ADAMTSL1: variants seen among roughly 807,000 people sequenced by gnomAD.
ADAMTSL1 encodes the protein ADAMTS-like protein 1.
Under a neutral mutation model 201.8 loss-of-function variants are expected in ADAMTSL1, and 126 were observed. That is an observed-to-expected ratio of 0.62 (90% CI 0.54 to 0.72). The LOEUF is 0.72. ADAMTSL1 is among the 30% of genes least tolerant of loss of function. The pLI is 0.00. For synonymous variants in ADAMTSL1, 1,121 were observed against 903.4 expected (o/e 1.24, Z -4.32); for missense variants, 2,679 against 2,277.8 (o/e 1.18, Z -3.59).
intron 1 of ADAMTSL1, among the ~76,000 whole-genome samples, chr9:17,976,935 C>A (rs1818476402): frequency 6.6e-6 from 1 of 151,938 alleles, no homozygotes; most frequent in African/African-American, 2.4e-5. Flanking sequence ...AAAAGCTTTT[C>A]ACTGTTGAGT....
At chr9:18,524,158 A>T (rs1197469808) in intron 2 of ADAMTSL1, among the ~76,000 whole-genome samples, 4 of 152,074 alleles carry the variant, frequency 2.6e-5, no homozygotes, top group Non-Finnish European at 5.9e-5. Context: ...GGTCCTTCAC[A>T]TCCCTTGTAA....
chr9:18,620,145 C>G (rs1352332534), intron 4 of ADAMTSL1, among the ~76,000 whole-genome samples: 1 of 149,970 alleles, frequency 6.7e-6, no homozygotes, highest in Non-Finnish European at 1.5e-5. Context: ...AACTCTGACT[C>G]TTCATTCACA....
intron 1 of ADAMTSL1, among the ~76,000 whole-genome samples, chr9:18,499,343 A>C (rs1822709810): frequency 6.6e-6 from 1 of 152,260 alleles, no homozygotes; most frequent in Non-Finnish European, 1.5e-5. Context: ...AATGTCTGTG[A>C]GCTCTCAGGA....
chr9:18,417,696 A>AGTC (rs1818747291), intron 2 of ADAMTSL1, among the ~76,000 whole-genome samples: 1 of 152,164 alleles, frequency 6.6e-6, no homozygotes, highest in Admixed American at 6.5e-5. Context: ...GAATCTGAGT[A>AGTC]GTCCTCTAAC....
rs1588088300 is a variant in ADAMTSL1, at chr9:18,776,710, G to A, written c.2552-71G>A. The A allele has an allele frequency of 2.8e-6, 4 of 1,447,678 alleles. No individual in the cohort carries two copies. The East Asian group carries it at 7.5e-5, about 27-fold the overall frequency. The allele number at this position is 1,447,678 out of a possible 1,614,324, so 89.7% of individuals were successfully genotyped here. On this transcript the variant is annotated intron_variant, in intron 18 of 28. Coordinates refer to ENST00000380548, the MANE Select transcript of ADAMTSL1 (RefSeq NM_001040272.6). ...CTCTTTCCTTTGCCCCTCTCTCCTGGCTGCATCTCACTCTGGGTTTTCTCT... is the reference window on the plus strand; with the variant it reads ...CTCTTTCCTTTGCCCCTCTCTCCTGACTGCATCTCACTCTGGGTTTTCTCT...
chr9:18,615,212 CAAAAACAAAACA>C (rs1215574605), intron 4 of ADAMTSL1, among the ~76,000 whole-genome samples: 1 of 151,946 alleles, frequency 6.6e-6, no homozygotes, highest in Non-Finnish European at 1.5e-5. Context: ...AGTTGTAAAC[CAAAAACAAAACA>C]AAAAACAAAC....
rs142258734 is a variant in ADAMTSL1 at position 18,466,568 on chromosome 9, A to G, written c.208-38261A>G. Among the ~76,000 whole-genome samples the G allele has an allele frequency of 2.4e-3, 371 of 152,330 alleles. 1 individual carries two copies. The highest frequency in any genetic ancestry group is 8.4e-3 in the African/African-American group (348 of 41,582). On this transcript the variant is annotated intron_variant, in intron 2 of 29. Transcript: ENST00000680146. ...ATAAGTTAATTAGGTTAATTTAGCCATTCCATAATGTTCAAAACATAATGT... is the reference window on the plus strand; with the variant it reads ...ATAAGTTAATTAGGTTAATTTAGCCGTTCCATAATGTTCAAAACATAATGT...
At chr9:18,620,024 T>TA (rs1825937368) in intron 4 of ADAMTSL1, among the ~76,000 whole-genome samples, 1 of 150,618 alleles carries the variant, frequency 6.6e-6, no homozygotes, top group Non-Finnish European at 1.5e-5. Flanking sequence ...GATTTTTTTT[T>TA]TTTTTTTTTT....
At chr9:17,923,449 T>G (rs1826389433) in intron 1 of ADAMTSL1, among the ~76,000 whole-genome samples, 2 of 150,534 alleles carry the variant, frequency 1.3e-5, no homozygotes, top group South Asian at 4.3e-4. Flanking sequence ...GTTTGTCTGT[T>G]GTTGGTGTAT....
intron 2 of ADAMTSL1, among the ~76,000 whole-genome samples, chr9:18,394,745 C>T (rs1817680639): frequency 6.6e-6 from 1 of 152,194 alleles, no homozygotes; most frequent in Non-Finnish European, 1.5e-5. Flanking sequence ...TAGTTACCAA[C>T]TCTCCACTTT....
intron 17 of ADAMTSL1, among the ~76,000 whole-genome samples, chr9:18,771,595 G>A (rs1425363229): frequency 6.6e-6 from 1 of 151,288 alleles, no homozygotes; most frequent in Non-Finnish European, 1.5e-5. Context: ...AGAAGATTTA[G>A]CCAAGAACAG....
intron 2 of ADAMTSL1, among the ~76,000 whole-genome samples, chr9:18,349,331 C>T (rs528416221): frequency 4.9e-4 from 74 of 152,244 alleles, no homozygotes; most frequent in African/African-American, 1.6e-3. Context: ...TTATGGCTGC[C>T]TTTAAATGAC....
chr9:18,301,439 G>C (rs1833707439), intron 2 of ADAMTSL1, among the ~76,000 whole-genome samples: 1 of 152,176 alleles, frequency 6.6e-6, no homozygotes, highest in African/African-American at 2.4e-5. Flanking sequence ...TGAAACCGCT[G>C]AGAGTATCAA....
At chr9:17,968,298 G>A (rs1818058407) in intron 1 of ADAMTSL1, among the ~76,000 whole-genome samples, 1 of 152,076 alleles carries the variant, frequency 6.6e-6, no homozygotes, top group South Asian at 2.1e-4. Flanking sequence ...ATGCATTTGT[G>A]TGTGTATGTT....
At chr9:18,290,917 G>C (rs1262916358) in intron 2 of ADAMTSL1, among the ~76,000 whole-genome samples, 1 of 152,020 alleles carries the variant, frequency 6.6e-6, no homozygotes, top group African/African-American at 2.4e-5. Flanking sequence ...AAGTAGCTGG[G>C]ACTACAGGTG....
intron 1 of ADAMTSL1, among the ~76,000 whole-genome samples, chr9:17,948,791 A>G (rs1013088648): frequency 4.6e-5 from 7 of 152,226 alleles, no homozygotes; most frequent in African/African-American, 1.7e-4. Flanking sequence ...AAAAATTAAA[A>G]TGGCAACAAT....
intron 2 of ADAMTSL1, among the ~76,000 whole-genome samples, chr9:18,444,938 G>C (rs1457908221): frequency 6.6e-6 from 1 of 152,066 alleles, no homozygotes; most frequent in African/African-American, 2.4e-5. Flanking sequence ...GCCTTCTTAG[G>C]CACTACGATT....
chr9:17,944,511 A>T (rs1214697817), intron 1 of ADAMTSL1, among the ~76,000 whole-genome samples: 1 of 151,874 alleles, frequency 6.6e-6, no homozygotes, highest in East Asian at 1.9e-4. Flanking sequence ...CATCAAGTCA[A>T]TCCTAAGCCA....
rs1442520529 is a variant in ADAMTSL1 at position 18,783,084 on chromosome 9, A to G, written c.3677+5178A>G. 2.6e-5 allele frequency among the ~76,000 whole-genome samples: 4 copies of G among 152,230 alleles called. No individual in the cohort carries two copies. In the East Asian group the frequency reaches 7.7e-4, roughly 29 times the overall value. On this transcript the variant is annotated intron_variant, in intron 19 of 28. Transcript: ENST00000380548. ...TGTGGCATGTGGATTGTAGAGGCAC[A>G]TGATTGGAAGTCGGGGGCTAGTAAG...
Sources: gnomAD v4.1 joint callset for allele counts (sites outside exome capture counted in the v4.1 genomes callset) on GRCh38, gnomAD v4.1.1 for gene constraint, MANE v1.5 for transcripts, NCBI Gene and HGNC (gene_info 2026-07-23, HGNC 2026-07-21) for gene names.